The following GYS2 variants were observed in gnomAD, a reference collection of about 807,000 sequenced individuals.
GYS2 encodes the protein glycogen [starch] synthase, liver.
A neutral mutation model predicts 85.6 loss-of-function variants in GYS2; 80 were observed. That is an observed-to-expected ratio of 0.93 (90% CI 0.78 to 1.13). The LOEUF (loss-of-function observed/expected upper bound fraction) is 1.13. Among genes scored for constraint, GYS2 ranks in the 50% most tolerant of loss-of-function variants. GYS2 has a pLI of 0.00. For missense variants in GYS2, 881 were observed against 854.9 expected (o/e 1.03, Z -0.38); for synonymous variants, 328 against 300.7 (o/e 1.09, Z -0.94).
At chr12:21,581,203 T>C (rs1465290519) in intron 1 of GYS2, among the ~76,000 whole-genome samples, 2 of 152,180 alleles carry the variant, frequency 1.3e-5, no homozygotes, top group African/African-American at 4.8e-5. Flanking sequence ...CCACCCTTCA[T>C]ATTGTTTTAT....
At chr12:21,569,947 T>C (rs902193631) in intron 4 of GYS2, among the ~76,000 whole-genome samples, 1 of 152,192 alleles carries the variant, frequency 6.6e-6, no homozygotes. Flanking sequence ...TTAAGAATCT[T>C]GGTAGAACCC....
intron 6 of GYS2, 89 bp from the exon 7 acceptor site, chr12:21,563,127 G>A: frequency 8.6e-7 from 1 of 1,165,016 alleles, no homozygotes; most frequent in Non-Finnish European, 1.3e-6. Flanking sequence ...TACAAAGGGG[G>A]CTGGGAAAGA....
chr12:21,604,449 C>A, intron 1 of GYS2, 23 bp downstream of exon 1: 1 of 1,415,606 alleles, frequency 7.1e-7, no homozygotes, highest in East Asian at 2.3e-5. Context: ...GTGTACTGAT[C>A]CACCTTCAGG....
At chr12:21,583,641 G>T (rs1470471671) in intron 1 of GYS2, among the ~76,000 whole-genome samples, 2 of 152,308 alleles carry the variant, frequency 1.3e-5, no homozygotes, top group African/African-American at 2.4e-5. Flanking sequence ...TTGGAGCAAG[G>T]CCCTGCCATC....
chr12:21,544,204 C>T (rs1944011677), intron 12 of GYS2, among the ~76,000 whole-genome samples: 1 of 152,154 alleles, frequency 6.6e-6, no homozygotes, highest in Non-Finnish European at 1.5e-5. Context: ...TCGCATTCTT[C>T]CTGTAACTAT....
At chr12:21,579,992 C>G (rs751019837) in intron 2 of GYS2, among the ~76,000 whole-genome samples, 1 of 152,230 alleles carries the variant, frequency 6.6e-6, no homozygotes, top group Admixed American at 6.5e-5. Flanking sequence ...GATGCCCTAA[C>G]ATGCTGACAT....
rs186304664 is a variant in GYS2 at position 21,567,160 on chromosome 12, C to T, written c.823+1705G>A. Among the ~76,000 whole-genome samples, 673 of 152,130 alleles carry T rather than the reference C, an allele frequency of 4.4e-3. 14 individuals carry two copies. Among genetic ancestry groups the T allele is most frequent in the Admixed American group, 2.6e-3 (40 of 15,282 alleles). On this transcript the variant is annotated intron_variant, in intron 5 of 15. Coordinates refer to ENST00000261195, the MANE Select transcript of GYS2 (RefSeq NM_021957.4). Reference sequence around the variant, plus strand: ...ACAATTTTAGGCCAGAGTTGGAGGTCGGAAGCCAGAGTCCCAGGGGCTAAT... The same window carrying T: ...ACAATTTTAGGCCAGAGTTGGAGGTTGGAAGCCAGAGTCCCAGGGGCTAAT...
At chr12:21,597,690 A>G (rs1944711849) in intron 1 of GYS2, among the ~76,000 whole-genome samples, 1 of 152,168 alleles carries the variant, frequency 6.6e-6, no homozygotes, top group South Asian at 2.1e-4. Context: ...CAGCAATCTT[A>G]TTACTGGGTA....
At chr12:21,565,394 T>A (rs1944306253) in intron 5 of GYS2, among the ~76,000 whole-genome samples, 1 of 13,784 alleles carries the variant, frequency 7.3e-5, no homozygotes, top group South Asian at 3.5e-3. Flanking sequence ...CCATGAAATA[T>A]ATATATATAT....
downstream of GYS2, among the ~76,000 whole-genome samples, chr12:21,534,166 CCTT>C (rs1943889755): frequency 6.6e-6 from 1 of 152,154 alleles, no homozygotes. Context: ...ACAGTACACT[CCTT>C]GACTTACCAT....
At chr12:21,579,061 T>C (rs1347495489) in intron 2 of GYS2, among the ~76,000 whole-genome samples, 1 of 152,158 alleles carries the variant, frequency 6.6e-6, no homozygotes, top group Non-Finnish European at 1.5e-5. Flanking sequence ...TCTGAAACTG[T>C]ACTTATCCAT....
rs773688188 is a variant in GYS2, at chr12:21,539,277, T to A, written c.1871A>T (p.Glu624Val). The change falls in exon 15 of 16, where the codon GAA becomes GTA. Residue 624 changes from glutamate to valine, a missense_variant. Coordinates refer to ENST00000261195, the MANE Select transcript of GYS2 (RefSeq NM_021957.4). Reference protein sequence around the residue: ...SRAFPDKFHVELTSPPTTEGF... With the variant: ...SRAFPDKFHVVLTSPPTTEGF... Reference sequence around the variant, plus strand: ...ATTTACCGTTGGTGGTGATGTTAGTTCCACATGGAATTTATCTGGAAAAGC... The same window carrying A: ...ATTTACCGTTGGTGGTGATGTTAGTACCACATGGAATTTATCTGGAAAAGC... 1.3e-6 allele frequency: 2 copies of A among 1,592,888 alleles called. No individual in the cohort carries two copies. The highest frequency in any genetic ancestry group is 2.2e-5 in the South Asian group (2 of 90,644).
At chr12:21,560,076 A>G (rs1478237605) in intron 8 of GYS2, among the ~76,000 whole-genome samples, 1 of 152,196 alleles carries the variant, frequency 6.6e-6, no homozygotes, top group African/African-American at 2.4e-5. Context: ...CATATTACTA[A>G]GCTTTTTACT....
chr12:21,551,001 C>CT (rs71452232), intron 11 of GYS2, among the ~76,000 whole-genome samples: 2 of 142,672 alleles, frequency 1.4e-5, no homozygotes, highest in Non-Finnish European at 1.5e-5. Flanking sequence ...CTACACTTTT[C>CT]TTTTTTTTTT....
intron 11 of GYS2, among the ~76,000 whole-genome samples, chr12:21,557,425 GA>G (rs1004585224): frequency 6.6e-6 from 1 of 152,102 alleles, no homozygotes; most frequent in Non-Finnish European, 1.5e-5. Context: ...CAAGTCAAAA[GA>G]ATGAATTGCT....
At position 21,580,520 on chromosome 12, in the gene GYS2, C is replaced by T. The variant is rs1336397751; in HGVS notation, c.125G>A (p.Gly42Glu). 6.2e-7 allele frequency: 1 copy of T among 1,611,612 alleles called. No homozygotes were observed. The highest frequency in any genetic ancestry group is 1.7e-5 in the Admixed American group (1 of 59,992). Reference sequence around the variant, plus strand: ...TGTCTGAATCACAGTATAGATGCCTCCAACTGTTAAAAGGAAAAAAGTTTC... The same window carrying T: ...TGTCTGAATCACAGTATAGATGCCTTCAACTGTTAAAAGGAAAAAAGTTTC... ...EVAWEVTNKV[G>E]GIYTVIQTKA... Residue 42 changes from glycine to glutamate, a missense_variant, in exon 2 of 16, where the codon GGA becomes GAA. By Grantham distance (98) the Gly-to-Glu change is moderately conservative. Transcript: ENST00000261195.
At chr12:21,596,580 A>G (rs1030021658) in intron 1 of GYS2, among the ~76,000 whole-genome samples, 1 of 152,124 alleles carries the variant, frequency 6.6e-6, no homozygotes, top group Non-Finnish European at 1.5e-5. Context: ...CAGCAAAATC[A>G]GCATACAAGA....
Position 21,542,581 on chromosome 12 carries a change from A to T in GYS2, c.1560T>A (p.Thr520=), listed in dbSNP as rs140529413. The T allele has an allele frequency of 1.2e-6, 2 of 1,611,886 alleles. No homozygotes were observed. Among genetic ancestry groups the T allele is most frequent in the Non-Finnish European group, 1.7e-6 (2 of 1,178,058 alleles). The change falls in exon 13 of 16, where the codon ACT becomes ACA. Residue 520 remains threonine, a synonymous_variant. Transcript: ENST00000261195. ...TGGTCACACTGGGGATACCCATCAC[A>T]GTGCATTCAGCTGCCAGGGGAAATA... is the stretch of plus-strand genomic sequence containing the variant. ...EPWGYTPAEC[T]VMGIPSVTTN...
rs376751480 is a variant in GYS2 at position 21,576,328 on chromosome 12, C to G, written c.304-271G>C. Among the ~76,000 whole-genome samples, 22 of 152,252 alleles carry G rather than the reference C, an allele frequency of 1.4e-4. No individual in the cohort carries two copies. The East Asian group carries it at 4.1e-3, about 28-fold the overall frequency. On this transcript the variant is annotated intron_variant, in intron 2 of 15. Coordinates refer to ENST00000261195, the MANE Select transcript of GYS2 (RefSeq NM_021957.4). ...TCATGTAATCTCTGTTCATCTGTCT[C>G]TAGTTACTCTCTTGTGACCATGAAC...
Sources: gnomAD v4.1 joint callset for allele counts (sites outside exome capture counted in the v4.1 genomes callset) on GRCh38, gnomAD v4.1.1 for gene constraint, MANE v1.5 for transcripts, NCBI Gene and HGNC (gene_info 2026-07-23, HGNC 2026-07-21) for gene names.